MINK1: variants seen among roughly 807,000 people sequenced by gnomAD.
MINK1 encodes the protein misshapen-like kinase 1.
MINK1 carries 46 observed loss-of-function variants against 178.4 expected under a neutral mutation model. The ratio of observed to expected loss-of-function variants is 0.26; its 90% CI spans 0.20 to 0.33. MINK1 has a LOEUF of 0.33. MINK1 is among the 10% of genes least tolerant of loss of function. The pLI is 1.00. For missense variants in MINK1, 1,366 were observed against 1,814.9 expected (o/e 0.75, Z 4.49); for synonymous variants, 797 against 709.7 (o/e 1.12, Z -1.96).
chr17:4,895,334 A>G lies in MINK1; in HGVS notation c.3086-16A>G. On this transcript the variant is annotated splice_polypyrimidine_tract_variant and intron_variant, in intron 25 of 31. Coordinates refer to ENST00000355280, the MANE Select transcript of MINK1 (RefSeq NM_153827.5). This position sits in a 1 kb window ranked among gnomAD's most constrained non-coding sequence, Gnocchi z 4.3. ...CCTGGCTGAGCCTCTGACCTGCCCA[A>G]GGGCTCCTGTTGCAGGGGTCAACCT... 1.2e-6 allele frequency: 2 copies of G among 1,603,468 alleles called. No individual in the cohort carries two copies. Among genetic ancestry groups the G allele is most frequent in the Non-Finnish European group, 1.7e-6 (2 of 1,173,564 alleles).
chr17:4,895,454 G>C lies in MINK1; in HGVS notation c.3190G>C (p.Asp1064His), dbSNP rs1426785108. Reference sequence around the variant, plus strand: ...TGGGCGGCGACGCTTCCAGCAGATGGATGTGCTGGAGGGGCTCAACCTGCT... The same window carrying C: ...TGGGCGGCGACGCTTCCAGCAGATGCATGTGCTGGAGGGGCTCAACCTGCT... ...LIGRRRFQQM[D>H]VLEGLNLLIT... Residue 1064 changes from aspartate to histidine, a missense_variant, in exon 26 of 32, where the codon GAT becomes CAT. This residue lies in a region of MINK1 where 77 missense variants were observed against 119.5 expected (regional missense o/e 0.64). Coordinates refer to ENST00000355280, the MANE Select transcript of MINK1 (RefSeq NM_153827.5). This position sits in a 1 kb window ranked among gnomAD's most constrained non-coding sequence, Gnocchi z 4.3. 6.2e-7 allele frequency: 1 copy of C among 1,602,702 alleles called. No homozygotes were observed. Among genetic ancestry groups the C allele is most frequent in the Admixed American group, 1.7e-5 (1 of 59,230 alleles).
rs1478252032 is a variant in MINK1, at chr17:4,851,892, T to C, written c.57+18252T>C. On this transcript the variant is annotated intron_variant, in intron 1 of 31. Transcript: ENST00000355280. ...GCTTGTGCCTGTAATCCCAACTACT[T>C]GGGAGGCTGGGACAGGAGAATCACT... Among the ~76,000 whole-genome samples the C allele has an allele frequency of 3.4e-5, 5 of 148,582 alleles. No homozygotes were observed. In the East Asian group the frequency reaches 9.9e-4, roughly 29 times the overall value.
At position 4,896,458 on chromosome 17, in the gene MINK1, C is replaced by T. The variant is rs761970149; in HGVS notation, c.3645C>T (p.Ile1215=). ...HIQSQITPHA[I]IFLPNTDGME... The stretch of plus-strand genomic sequence containing the variant: ...AGAGCCAGATCACGCCCCATGCCAT[C>T]ATCTTCCTCCCCAACACCGACGGCA... The change falls in exon 30 of 32, where the codon ATC becomes ATT. Residue 1215 remains isoleucine (I), a synonymous_variant. Coordinates refer to ENST00000355280, the MANE Select transcript of MINK1 (RefSeq NM_153827.5). The surrounding 1 kb of genome is among the most constrained non-coding windows in gnomAD (Gnocchi z 4.6). 1.9e-6 allele frequency: 3 copies of T among 1,613,984 alleles called. No homozygotes were observed. The highest frequency in any genetic ancestry group is 2.5e-6 in the Non-Finnish European group (3 of 1,179,870).
intron 19 of MINK1, 92 bp from the exon 20 acceptor site, chr17:4,892,887 G>A: frequency 7.2e-7 from 1 of 1,398,484 alleles, no homozygotes; most frequent in Non-Finnish European, 9.9e-7. Flanking sequence ...GTGTGGGTAT[G>A]GAACTTGGGG....
chr17:4,833,516 C>T lies in MINK1; in HGVS notation c.-68C>T. The T allele has an allele frequency of 2.3e-6, 3 of 1,332,616 alleles. No individual in the cohort carries two copies. Among genetic ancestry groups the T allele is most frequent in the East Asian group, 3.0e-5 (1 of 33,300 alleles). The allele number at this position is 1,332,616 out of a possible 1,614,324, so 82.5% of individuals were successfully genotyped here. On this transcript the variant is annotated 5_prime_UTR_variant, in exon 1 of 32. An upstream open reading frame in the 5' UTR gains an earlier in-frame stop. Coordinates refer to ENST00000355280, the MANE Select transcript of MINK1 (RefSeq NM_153827.5). The surrounding 1 kb of genome is among the most constrained non-coding windows in gnomAD (Gnocchi z 4.8). ...GGGTTCTCCGATGGGGGAGAAGCGG[C>T]GACGGCGGCAGTGGAGTAACCGAGC...
intron 1 of MINK1, among the ~76,000 whole-genome samples, chr17:4,874,600 G>A (rs1967005046): frequency 6.6e-6 from 1 of 152,138 alleles, no homozygotes; most frequent in Non-Finnish European, 1.5e-5. Flanking sequence ...GAAAGGACAG[G>A]GTGGCTGCGA....
At chr17:4,841,284 A>G (rs1014378694) in intron 1 of MINK1, among the ~76,000 whole-genome samples, 12 of 152,118 alleles carry the variant, frequency 7.9e-5, no homozygotes, top group Non-Finnish European at 5.9e-5. Context: ...CAGGCCTGAT[A>G]TTCTCTGGTC....
At position 4,890,595 on chromosome 17, in the gene MINK1, C is replaced by T. The variant is rs997926622; in HGVS notation, c.1426C>T (p.Leu476Phe). ...QRQLQQEHAY[L>F]KSLQQQQQQQ... ...GCAGCTGCAGCAGGAGCATGCCTAC[C>T]TCAAGTCCCTGCAGCAGCAGCAACA... Residue 476 changes from leucine (L) to phenylalanine (F), a missense_variant, in exon 14 of 32, where the codon CTC becomes TTC. Coordinates refer to ENST00000355280, the MANE Select transcript of MINK1 (RefSeq NM_153827.5). 6.4e-7 allele frequency: 1 copy of T among 1,567,794 alleles called. No homozygotes were observed. The highest frequency in any genetic ancestry group is 8.6e-7 in the Non-Finnish European group (1 of 1,157,268).
At chr17:4,889,853 C>A (rs1347297250) in intron 13 of MINK1, 90 bp downstream of exon 13, 1 of 885,512 alleles carries the variant, frequency 1.1e-6, no homozygotes, top group African/African-American at 1.8e-5. Context: ...CCCTTCTCTC[C>A]CCCACCCCCA....
chr17:4,860,536 A>C (rs1914002206), intron 1 of MINK1, among the ~76,000 whole-genome samples: 1 of 152,164 alleles, frequency 6.6e-6, no homozygotes, highest in Admixed American at 6.5e-5. Flanking sequence ...CTACTACTAC[A>C]CTAACATGAC....
chr17:4,884,278 C>T, intron 4 of MINK1, 85 bp from the exon 5 acceptor site: 2 of 1,044,676 alleles, frequency 1.9e-6, no homozygotes. Flanking sequence ...TATCCTCCTC[C>T]AGGAGTCTAG....
At chr17:4,857,856 A>AT (rs1294783863) in intron 1 of MINK1, among the ~76,000 whole-genome samples, 1 of 152,062 alleles carries the variant, frequency 6.6e-6, no homozygotes, top group Non-Finnish European at 1.5e-5. Context: ...GCTACTCCTA[A>AT]TTGAAGGGTG....
intron 1 of MINK1, among the ~76,000 whole-genome samples, chr17:4,849,688 C>T (rs995140364): frequency 6.6e-6 from 1 of 152,194 alleles, no homozygotes; most frequent in Non-Finnish European, 1.5e-5. Flanking sequence ...TCTCCTGCCT[C>T]AGCCTCCCGA....
chr17:4,841,899 G>A (rs1910282184), intron 1 of MINK1, among the ~76,000 whole-genome samples: 1 of 152,124 alleles, frequency 6.6e-6, no homozygotes, highest in African/African-American at 2.4e-5. Flanking sequence ...TCCAGGGGGT[G>A]TTCGGAAATG....
At chr17:4,884,572 G>A in intron 5 of MINK1, 99 bp downstream of exon 5, 1 of 885,440 alleles carries the variant, frequency 1.1e-6, no homozygotes, top group Non-Finnish European at 1.8e-6. Flanking sequence ...AGACATCACT[G>A]CCCTCTTTAG....
chr17:4,843,455 G>A (rs1367999850), intron 1 of MINK1, among the ~76,000 whole-genome samples: 1 of 151,494 alleles, frequency 6.6e-6, no homozygotes, highest in South Asian at 2.1e-4. Flanking sequence ...TCCAGCCTGG[G>A]CGACAGAACG....
chr17:4,860,784 G>T (rs1914044621), intron 1 of MINK1: 1 of 519,994 alleles, frequency 1.9e-6, no homozygotes, highest in African/African-American at 1.9e-5. Context: ...CAGGTGGAAG[G>T]ACCACGGCGC....
At chr17:4,848,786 C>T (rs545342482) in intron 1 of MINK1, among the ~76,000 whole-genome samples, 4 of 152,268 alleles carry the variant, frequency 2.6e-5, no homozygotes, top group East Asian at 1.9e-4. Flanking sequence ...CCTAAGCCAC[C>T]GCGAACCTGG....
Position 4,895,885 on chromosome 17 carries a change from A to G in MINK1, c.3364+53A>G. On this transcript the variant is annotated intron_variant, in intron 27 of 31. Coordinates refer to ENST00000355280, the MANE Select transcript of MINK1 (RefSeq NM_153827.5). This position sits in a 1 kb window ranked among gnomAD's most constrained non-coding sequence, Gnocchi z 4.3. ...CGCATACTTGTTCATGAAGAGAGAA[A>G]TGGATCTGGGAGCCAGGGACTTGGG... 1 of 1,596,570 alleles carries G rather than the reference A, an allele frequency of 6.3e-7. No homozygotes were observed. The highest frequency in any genetic ancestry group is 8.5e-7 in the Non-Finnish European group (1 of 1,169,828).
Sources: allele counts gnomAD v4.1 joint callset (sites outside exome capture counted in the v4.1 genomes callset), GRCh38; gene constraint gnomAD v4.1.1; regional missense constraint gnomAD v4.1.1; non-coding constraint Gnocchi (gnomAD v3.1); transcripts MANE v1.5; gene names NCBI Gene and HGNC (gene_info 2026-07-23, HGNC 2026-07-21).